MYH10: variants seen among roughly 807,000 people sequenced by gnomAD.
MYH10 encodes myosin heavy chain 10, also known as myosin-10.
In MYH10, 55 loss-of-function variants were observed where a neutral mutation model predicts 257.8. That is an observed-to-expected ratio of 0.21 (90% CI 0.17 to 0.27). The LOEUF (loss-of-function observed/expected upper bound fraction) is 0.27, where lower values mean the gene tolerates loss of function less well. Ranked by LOEUF, MYH10 falls within the 10% of genes least tolerant of loss-of-function variation. The pLI is 1.00. For missense variants in MYH10, 1,631 were observed against 2,500.6 expected, an observed-to-expected ratio of 0.65 and a Z score of 7.42; for synonymous variants, 854 against 921.7, an observed-to-expected ratio of 0.93 and a Z score of 1.33.
At position 8,630,706 on chromosome 17, in the gene MYH10, C is replaced by A. The variant is rs1437626094; in HGVS notation, c.-84G>T. 1.3e-5 allele frequency: 2 copies of A among 152,972 alleles called. No individual in the cohort carries two copies. The highest frequency in any genetic ancestry group is 2.4e-5 in the African/African-American group (1 of 41,274). 9.5% of individuals were successfully genotyped at this position (152,972 alleles called of 1,614,324 possible). On this transcript the variant is annotated 5_prime_UTR_variant, in exon 1 of 43. Coordinates refer to ENST00000360416, the MANE Select transcript of MYH10 (RefSeq NM_001256012.3). Reference sequence around the variant, plus strand: ...CACGTCCCCAGCCGCGACCACAGATCCAGCGCCTCAGTCCCAAACCCACCG... The same window carrying A: ...CACGTCCCCAGCCGCGACCACAGATACAGCGCCTCAGTCCCAAACCCACCG...
chr17:8,516,660 C>T (rs371474677), intron 21 of MYH10, among the ~76,000 whole-genome samples: 25 of 152,244 alleles, frequency 1.6e-4, no homozygotes, highest in South Asian at 4.1e-4. Context: ...CCTGCACTTT[C>T]GATAGTTGTA....
At chr17:8,553,126 G>A (rs977106252) in intron 8 of MYH10, among the ~76,000 whole-genome samples, 7 of 152,170 alleles carry the variant, frequency 4.6e-5, no homozygotes, top group Non-Finnish European at 7.3e-5. Context: ...CATCCTCCAC[G>A]TCTGGTGAAA....
chr17:8,585,288 G>GTATATATATATATATATATATATATATA (rs71159599), intron 4 of MYH10, among the ~76,000 whole-genome samples: 63 of 99,298 alleles, frequency 6.3e-4, no homozygotes, highest in Non-Finnish European at 8.0e-4. Context: ...GTGTGTGTGT[G>GTATATATATATATATATATATATATATA]TATATATATA....
intron 25 of MYH10, among the ~76,000 whole-genome samples, chr17:8,509,100 A>G (rs779171087): frequency 6.6e-6 from 1 of 152,154 alleles, no homozygotes; most frequent in Non-Finnish European, 1.5e-5. Context: ...TGAGTGCCCA[A>G]TAGAGGTGTG....
intron 4 of MYH10, among the ~76,000 whole-genome samples, chr17:8,582,260 G>A (rs181379673): frequency 6.6e-6 from 1 of 152,100 alleles, no homozygotes; most frequent in East Asian, 1.9e-4. Flanking sequence ...AGAGGGAAGA[G>A]AGCCAAAAAG....
intron 3 of MYH10, 80 bp from the exon 4 acceptor site, chr17:8,589,188 C>T (rs1454554933): frequency 1.4e-6 from 2 of 1,420,572 alleles, no homozygotes; most frequent in Admixed American, 3.7e-5. Flanking sequence ...AATAAAGTTG[C>T]AGTAATAGCC....
chr17:8,601,422 G>T (rs750738782), intron 3 of MYH10, among the ~76,000 whole-genome samples: 1 of 152,214 alleles, frequency 6.6e-6, no homozygotes, highest in Non-Finnish European at 1.5e-5. Flanking sequence ...ACCAAGGTAT[G>T]CAAGATGAAG....
intron 2 of MYH10, among the ~76,000 whole-genome samples, chr17:8,617,446 A>T (rs2152099760): frequency 6.6e-6 from 1 of 152,278 alleles, no homozygotes; most frequent in East Asian, 1.9e-4. Flanking sequence ...TTTATTTTTT[A>T]AACCCTACCC....
chr17:8,542,520 T>C (rs2082317666), intron 13 of MYH10, among the ~76,000 whole-genome samples: 1 of 152,184 alleles, frequency 6.6e-6, no homozygotes. Context: ...GCTGCATTAC[T>C]GAACTGCTAA....
intron 17 of MYH10, chr17:8,521,593 T>C: frequency 3.1e-6 from 1 of 327,076 alleles, no homozygotes; most frequent in Non-Finnish European, 5.7e-6. Flanking sequence ...TTTACAATTA[T>C]TTGGAAAATG....
In MYH10 at chr17:8,541,394, T is replaced by C. The variant is rs932271116; in HGVS notation, c.1605+713A>G. 7.2e-4 allele frequency among the ~76,000 whole-genome samples: 110 copies of C among 152,268 alleles called. 1 individual carries two copies. The highest frequency in any genetic ancestry group is 1.3e-3 in the African/African-American group (55 of 41,540). On this transcript the variant is annotated intron_variant, in intron 14 of 42. Transcript: ENST00000360416. ...TTAGTTTTTCTTATATTTTGGCAGA[T>C]AGCAAAATAAAATAAATGAAGCTGA... is the stretch of plus-strand genomic sequence containing the variant.
intron 37 of MYH10, among the ~76,000 whole-genome samples, chr17:8,483,315 G>A (rs1043467183): frequency 2.6e-5 from 4 of 152,084 alleles, no homozygotes; most frequent in African/African-American, 9.7e-5. Flanking sequence ...GAAAAAAAAG[G>A]AGCAAAAAAT....
At position 8,504,271 on chromosome 17, in the gene MYH10, T is replaced by C. The variant is rs2081001783; in HGVS notation, c.3599+423A>G. Among the ~76,000 whole-genome samples, 1 of 152,198 alleles carries C rather than the reference T, an allele frequency of 6.6e-6. No individual in the cohort carries two copies. The highest frequency in any genetic ancestry group is 2.4e-5 in the African/African-American group (1 of 41,454). On this transcript the variant is annotated intron_variant, in intron 28 of 42. Transcript: ENST00000360416. The surrounding 1 kb of genome is among the most constrained non-coding windows in gnomAD (Gnocchi z 5.6). ...ACCCTTCCCTTTTCAGCTGGTTACC[T>C]ACACCGTTCACACCACCTAGCACTG...
chr17:8,605,136 T>C (rs1056591872), intron 2 of MYH10, among the ~76,000 whole-genome samples, 154 bp from the exon 3 acceptor site: 39 of 152,226 alleles, frequency 2.6e-4, no homozygotes, highest in African/African-American at 8.0e-4. Flanking sequence ...TAGCCTATAA[T>C]GGGCAATTTA....
intron 24 of MYH10, chr17:8,511,196 A>G (rs2151876834): frequency 6.6e-6 from 1 of 151,882 alleles, no homozygotes; most frequent in East Asian, 1.9e-4. Context: ...CATCCCCTCC[A>G]AAAAACGAAA....
chr17:8,628,079 C>T (rs1392112469), intron 1 of MYH10, among the ~76,000 whole-genome samples: 7 of 152,134 alleles, frequency 4.6e-5, no homozygotes, highest in East Asian at 3.8e-4. Flanking sequence ...CAATCAATTA[C>T]GGCTTAAAAA....
chr17:8,571,673 G>A (rs1401179601), intron 6 of MYH10, among the ~76,000 whole-genome samples: 5 of 151,798 alleles, frequency 3.3e-5, no homozygotes, highest in African/African-American at 4.8e-5. Context: ...CAGGAGAATC[G>A]CTTGAACCGA....
chr17:8,500,035 A>G (rs1917272882), intron 29 of MYH10, among the ~76,000 whole-genome samples: 1 of 152,226 alleles, frequency 6.6e-6, no homozygotes, highest in South Asian at 2.1e-4. Context: ...TGTCTTTTAA[A>G]TGGGAATTAT....
chr17:8,548,130 CCT>C (rs905738676), intron 11 of MYH10, among the ~76,000 whole-genome samples, 181 bp downstream of exon 11: 2 of 152,104 alleles, frequency 1.3e-5, no homozygotes, highest in Non-Finnish European at 1.5e-5. Flanking sequence ...CATCCTACAC[CCT>C]GTCCCCTGTC....
Sources: gnomAD v4.1 joint callset for allele counts (sites outside exome capture counted in the v4.1 genomes callset) on GRCh38, gnomAD v4.1.1 for gene constraint, Gnocchi (gnomAD v3.1) non-coding constraint, MANE v1.5 for transcripts, NCBI Gene and HGNC (gene_info 2026-07-23, HGNC 2026-07-21) for gene names.